Variants in ETV1 observed in about 807,000 individuals in gnomAD.
ETV1 encodes the protein ETS translocation variant 1.
A neutral mutation model predicts 62.3 loss-of-function variants in ETV1; 27 were observed. The ratio of observed to expected loss-of-function variants is 0.43; its 90% CI spans 0.32 to 0.60. The LOEUF (loss-of-function observed/expected upper bound fraction) is 0.60. Among genes scored for constraint, ETV1 ranks in the 20% least tolerant of loss-of-function variants. The pLI, the probability that ETV1 is intolerant of heterozygous loss-of-function variation, is 0.06. For missense variants in ETV1, 605 were observed against 605.8 expected (o/e 1.00, Z 0.01); for synonymous variants, 222 against 199.6 (o/e 1.11, Z -0.94).
intron 3 of ETV1, chr7:13,988,710 A>C: frequency 6.2e-7 from 1 of 1,612,244 alleles, no homozygotes; most frequent in Non-Finnish European, 8.5e-7. Context: ...AGACAAACCC[A>C]GCCAAAAACT....
At chr7:13,956,504 T>C (rs1789480618) in intron 6 of ETV1, among the ~76,000 whole-genome samples, 1 of 152,192 alleles carries the variant, frequency 6.6e-6, no homozygotes. Flanking sequence ...AGCAATAGTG[T>C]CATGGCAACA....
rs1263525984 is a variant in ETV1 at position 13,935,905 on chromosome 7, G to C, written c.366-9C>G. Reference sequence around the variant, plus strand: ...GCTTCTGATCATAGGCACTACCCAGGGGACAAAAGAAGAGAGAACATTTCT... The same window carrying C: ...GCTTCTGATCATAGGCACTACCCAGCGGACAAAAGAAGAGAGAACATTTCT... On this transcript the variant is annotated splice_polypyrimidine_tract_variant and intron_variant, in intron 7 of 13. Coordinates refer to ENST00000430479, the MANE Select transcript of ETV1 (RefSeq NM_004956.5). The C allele has an allele frequency of 1.9e-6, 3 of 1,594,566 alleles. No homozygotes were observed. The Middle Eastern group carries it at 5.0e-4, about 268-fold the overall frequency.
In ETV1 at chr7:13,907,914, G is replaced by A. The variant is rs1197576985; in HGVS notation, c.941-1315C>T. 1.1e-5 allele frequency: 5 copies of A among 456,188 alleles called. No homozygotes were observed. In the Middle Eastern group the frequency reaches 2.3e-3, roughly 211 times the overall value. 28.3% of individuals were successfully genotyped at this position (456,188 alleles called of 1,614,324 possible). On this transcript the variant is annotated intron_variant, in intron 11 of 13. Transcript: ENST00000430479. ...GCTGCTAAAATCATTATGTTGTTTT[G>A]GTCTTAACATGATAATATAGAAGTG... is the stretch of plus-strand genomic sequence containing the variant.
rs766302808 is a variant in ETV1, at chr7:13,977,409, G to C, written c.235+18C>G. 4 of 1,477,482 alleles carry C rather than the reference G, an allele frequency of 2.7e-6. No individual in the cohort carries two copies. Among genetic ancestry groups the C allele is most frequent in the Non-Finnish European group, 3.7e-6 (4 of 1,085,876 alleles). 91.5% of individuals were successfully genotyped at this position (1,477,482 alleles called of 1,614,324 possible). On this transcript the variant is annotated intron_variant, in intron 6 of 13. Coordinates refer to ENST00000430479, the MANE Select transcript of ETV1 (RefSeq NM_004956.5). ...AGAAAGACAGAAAAATACAAGAGATGAGTCATACTATACTTACAACTTTCA... is the reference window on the plus strand; with the variant it reads ...AGAAAGACAGAAAAATACAAGAGATCAGTCATACTATACTTACAACTTTCA...
rs917214157 is a variant in ETV1, at chr7:13,894,365, C to T, written c.*1501G>A. ...ATTTTCTCCAAATGCAAAGCAAAAA[C>T]AGAACAAAAAACTTTGAAACTTTAA... On this transcript the variant is annotated 3_prime_UTR_variant, in exon 14 of 14. Transcript: ENST00000430479. 3 of 232,106 alleles carry T rather than the reference C, an allele frequency of 1.3e-5. No homozygotes were observed. The highest frequency in any genetic ancestry group is 2.6e-5 in the Non-Finnish European group (3 of 117,244). 14.4% of individuals were successfully genotyped at this position (232,106 alleles called of 1,614,324 possible).
chr7:13,988,659 AGT>A, intron 3 of ETV1: 1 of 1,591,612 alleles, frequency 6.3e-7, no homozygotes, highest in Non-Finnish European at 8.5e-7. Flanking sequence ...ATAAACAAAA[AGT>A]GTCAGCATTT....
rs181658816 is a variant in ETV1 at position 13,891,836 on chromosome 7, G to A, written c.*4030C>T. 6.1e-5 allele frequency: 14 copies of A among 230,476 alleles called. No homozygotes were observed. Among genetic ancestry groups the A allele is most frequent in the Middle Eastern group, 1.3e-3 (1 of 770 alleles). The allele number at this position is 230,476 out of a possible 1,614,324, so 14.3% of individuals were successfully genotyped here. On this transcript the variant is annotated 3_prime_UTR_variant, in exon 14 of 14. Coordinates refer to ENST00000430479, the MANE Select transcript of ETV1 (RefSeq NM_004956.5). ...TTTCCTCTCTTCTCCATACCAAATC[G>A]CAAATGGAAAATAGCTTACTCACTT...
intron 6 of ETV1, among the ~76,000 whole-genome samples, chr7:13,972,738 T>C (rs780889192): frequency 1.3e-4 from 20 of 152,338 alleles, no homozygotes; most frequent in South Asian, 4.1e-4. Flanking sequence ...ATCGATTTCC[T>C]GGCATGCACT....
intron 6 of ETV1, among the ~76,000 whole-genome samples, chr7:13,968,233 T>C (rs973390133): frequency 1.3e-5 from 2 of 151,916 alleles, no homozygotes; most frequent in Non-Finnish European, 2.9e-5. Context: ...TTCTACAATA[T>C]ATTGTTATAT....
intron 12 of ETV1, among the ~76,000 whole-genome samples, chr7:13,906,021 G>T (rs755410489): frequency 6.6e-6 from 1 of 152,168 alleles, no homozygotes; most frequent in South Asian, 2.1e-4. Flanking sequence ...TCCAAATAAT[G>T]ATTGCTAATT....
Position 13,895,275 on chromosome 7 carries a change from A to G in ETV1, c.*591T>C, listed in dbSNP as rs955418574. On this transcript the variant is annotated 3_prime_UTR_variant, in exon 14 of 14. Coordinates refer to ENST00000430479, the MANE Select transcript of ETV1 (RefSeq NM_004956.5). ...TTTATGGTTATCCTCTGCAAGTCATATATAAAGCAAAATAAAACAACAAAC... is the reference window on the plus strand; with the variant it reads ...TTTATGGTTATCCTCTGCAAGTCATGTATAAAGCAAAATAAAACAACAAAC... The G allele has an allele frequency of 1.7e-4, 39 of 233,824 alleles. No homozygotes were observed. Among genetic ancestry groups the G allele is most frequent in the Non-Finnish European group, 2.4e-4 (28 of 118,250 alleles). The allele number at this position is 233,824 out of a possible 1,614,324, so 14.5% of individuals were successfully genotyped here.
intron 6 of ETV1, among the ~76,000 whole-genome samples, chr7:13,946,372 C>A (rs1788163974): frequency 6.6e-6 from 1 of 152,166 alleles, no homozygotes; most frequent in Non-Finnish European, 1.5e-5. Context: ...TTAAGGCTGA[C>A]TAATGATCAC....
At chr7:13,912,132 G>A (rs1265011398) in intron 9 of ETV1, among the ~76,000 whole-genome samples, 3 of 152,094 alleles carry the variant, frequency 2.0e-5, no homozygotes, top group South Asian at 4.1e-4. Context: ...CCTGGATTGC[G>A]GCTATAAAAA....
intron 6 of ETV1, among the ~76,000 whole-genome samples, chr7:13,957,167 G>A (rs1016095572): frequency 5.9e-5 from 9 of 152,058 alleles, no homozygotes; most frequent in African/African-American, 2.2e-4. Context: ...CTCACTCCAA[G>A]TTCCGCCTCC....
chr7:13,935,816 T>C lies in ETV1; in HGVS notation c.446A>G (p.His149Arg), dbSNP rs749626646. The C allele has an allele frequency of 5.6e-6, 9 of 1,613,816 alleles. No individual in the cohort carries two copies. The highest frequency in any genetic ancestry group is 3.3e-5 in the Admixed American group (2 of 59,978). ...TPSSTPVSPL[H>R]HASPNSTHTP... ...ATGAGTTGAGTTTGGAGATGCATGA[T>C]GCAGTGGGGACACTGGCGTGCTGGA... Residue 149 changes from histidine to arginine, a missense_variant, in exon 8 of 14, where the codon CAT (histidine) becomes CGT (arginine). Physicochemically the swap from His to Arg is conservative, Grantham distance 29. Coordinates refer to ENST00000430479, the MANE Select transcript of ETV1 (RefSeq NM_004956.5).
chr7:13,898,895 AGG>A, intron 13 of ETV1, among the ~76,000 whole-genome samples: 1 of 152,284 alleles, frequency 6.6e-6, no homozygotes, highest in East Asian at 1.9e-4. Context: ...GCTACTCAGG[AGG>A]CTGAGGCAGG....
chr7:13,898,479 T>TATATTAGGCAAAATTAGGCA (rs1290837010), intron 13 of ETV1, among the ~76,000 whole-genome samples: 1 of 152,190 alleles, frequency 6.6e-6, no homozygotes, highest in Non-Finnish European at 1.5e-5. Context: ...GTTCTAGGCA[T>TATATTAGGCAAAATTAGGCA]TTCCTAATTT....
At chr7:13,946,169 G>T (rs540175452) in intron 6 of ETV1, among the ~76,000 whole-genome samples, 2 of 152,270 alleles carry the variant, frequency 1.3e-5, no homozygotes, top group Admixed American at 1.3e-4. Flanking sequence ...CCTGACTTCA[G>T]ACAGGTCAGA....
At chr7:13,922,540 G>A (rs1011234848) in intron 9 of ETV1, among the ~76,000 whole-genome samples, 9 of 152,112 alleles carry the variant, frequency 5.9e-5, no homozygotes, top group Non-Finnish European at 1.5e-5. Flanking sequence ...GAGGCCAAGA[G>A]TTAGCAACTT....
Sources: gnomAD v4.1 joint callset for allele counts (sites outside exome capture counted in the v4.1 genomes callset) on GRCh38, gnomAD v4.1.1 for gene constraint, MANE v1.5 for transcripts, NCBI Gene and HGNC (gene_info 2026-07-23, HGNC 2026-07-21) for gene names.